Variants in FOXD4L1 observed in about 807,000 individuals in gnomAD.
FOXD4L1 encodes the protein forkhead box D4 like 1, also known as forkhead box protein D4-like 1.
A neutral mutation model predicts 24.8 loss-of-function variants in FOXD4L1; 10 were observed. The ratio of observed to expected loss-of-function variants is 0.40; its 90% CI spans 0.25 to 0.68. FOXD4L1 has a LOEUF of 0.68. Among genes scored for constraint, FOXD4L1 ranks in the 30% least tolerant of loss-of-function variants. FOXD4L1 has a pLI of 0.37. For synonymous variants in FOXD4L1, 159 were observed against 256.4 expected (o/e 0.62, Z 3.63); for missense variants, 364 against 572.4 (o/e 0.64, Z 3.72).
chr2:113,499,254 G>T (rs2777288), exon 1 of FOXD4L1: 1 of 1,611,582 alleles, frequency 6.2e-7, no homozygotes, highest in Non-Finnish European at 8.5e-7. Context: ...CACCTGCTCC[G>T]CCATGAACCT....
At chr2:113,499,990 T>C in exon 1 of FOXD4L1, 2 of 1,582,212 alleles carry the variant, frequency 1.3e-6, no homozygotes, top group Non-Finnish European at 1.7e-6. Context: ...CCGCAGCCAG[T>C]CCCGGGGGCC....
chr2:113,500,216 A>G, exon 1 of FOXD4L1: 1 of 1,557,250 alleles, frequency 6.4e-7, no homozygotes, highest in Non-Finnish European at 8.7e-7. Context: ...CGGGAGGCGG[A>G]TGCATCTCTT....
chr2:113,499,390 A>G (rs1163550386), exon 1 of FOXD4L1: 2 of 1,609,484 alleles, frequency 1.2e-6, no homozygotes, highest in Admixed American at 3.4e-5. Flanking sequence ...GAGGAGGAGG[A>G]GGCGAGCCAG....
exon 1 of FOXD4L1, chr2:113,500,309 C>T (rs1218743987): frequency 1.3e-6 from 2 of 1,528,272 alleles, no homozygotes; most frequent in Admixed American, 1.9e-5. Context: ...CGTGGAGCTA[C>T]TGCCCCCTGC....
exon 1 of FOXD4L1, chr2:113,500,097 C>A: frequency 6.3e-7 from 1 of 1,575,182 alleles, no homozygotes; most frequent in Non-Finnish European, 8.5e-7. Context: ...TGCCGGGGCA[C>A]CGAAGAAAGC....
At chr2:113,500,826 C>T (rs1682433174) in exon 1 of FOXD4L1, 2 of 539,162 alleles carry the variant, frequency 3.7e-6, no homozygotes, top group Non-Finnish European at 3.1e-6. Flanking sequence ...CGGATTTGCA[C>T]ATTTCCTGGG....
chr2:113,499,194 C>T, exon 1 of FOXD4L1: 1 of 1,611,746 alleles, frequency 6.2e-7, no homozygotes, highest in African/African-American at 1.3e-5. Flanking sequence ...GCTTCCAGCT[C>T]AGCCCGCCCC....
chr2:113,499,069 A>G, exon 1 of FOXD4L1: 1 of 1,000,650 alleles, frequency 1.0e-6, no homozygotes, highest in Non-Finnish European at 1.5e-6. Context: ...AGAAGCTTTT[A>G]TAAAAGGCAA....
exon 1 of FOXD4L1, chr2:113,500,818 G>A: frequency 5.4e-6 from 3 of 554,872 alleles, no homozygotes; most frequent in Non-Finnish European, 2.9e-6. Flanking sequence ...TGGCTTTCCG[G>A]ATTTGCACAT....
Position 113,498,836 on chromosome 2 carries a change from A to G in FOXD4L1, c.-421A>G, listed in dbSNP as rs1218310550. 3.0e-6 allele frequency: 1 copy of G among 328,976 alleles called. No homozygotes were observed. The highest frequency in any genetic ancestry group is 2.2e-5 in the African/African-American group (1 of 45,606). The allele number at this position is 328,976 out of a possible 1,614,324, so 20.4% of individuals were successfully genotyped here. On this transcript the variant is annotated 5_prime_UTR_variant, in exon 1 of 1. It removes the in-frame stop codon of an upstream open reading frame in the 5' UTR. Coordinates refer to ENST00000306507, the Ensembl canonical transcript of FOXD4L1. ...TTTGCGCGGGTTTAAATGCGCCTTAACAGAACCCGTGCAAAGGCTTGCCTA... is the reference window on the plus strand; with the variant it reads ...TTTGCGCGGGTTTAAATGCGCCTTAGCAGAACCCGTGCAAAGGCTTGCCTA...
chr2:113,500,415 G>T lies in FOXD4L1; in HGVS notation c.1159G>T (p.Gly387Cys), dbSNP rs142698938. The T allele has an allele frequency of 5.5e-4, 841 of 1,519,156 alleles. 129 individuals carry two copies. The African/African-American group carries it at 0.01, about 19-fold the overall frequency. 94.1% of individuals were successfully genotyped at this position (1,519,156 alleles called of 1,614,324 possible). ...ACGGCTGCGCTCCCACCAAGGGCGC[G>T]GTGCTGGGCGGGCACCTGTCGGCCG... The change falls in exon 1 of 1, where the codon GGT becomes TGT. Residue 387 changes from glycine (G) to cysteine (C), a missense_variant. Gly to Cys is a radical substitution (Grantham distance 159). Transcript: ENST00000306507.
In FOXD4L1 at chr2:113,499,830, G is replaced by C. The variant is rs1301053247; in HGVS notation, c.574G>C (p.Asp192His). 1.4e-5 allele frequency: 22 copies of C among 1,559,956 alleles called. 6 individuals are homozygous for C. Among genetic ancestry groups the C allele is most frequent in the Non-Finnish European group, 1.9e-5 (22 of 1,144,302 alleles). Residue 192 changes from aspartate (D) to histidine (H), a missense_variant, in exon 1 of 1, where the codon GAC becomes CAC. Physicochemically the swap from Asp to His is moderately conservative, Grantham distance 81. Transcript: ENST00000306507. ...GGACCCCGCCTCCCAGGACATGTTC[G>C]ACAATGGCAGCTTTCTCCGGCGTAG...
chr2:113,500,410 G>T (rs147163734), exon 1 of FOXD4L1: 1 of 1,519,242 alleles, frequency 6.6e-7, no homozygotes, highest in South Asian at 1.2e-5. Context: ...TCCCACCAAG[G>T]GCGCGGTGCT....
chr2:113,499,472 G>A lies in FOXD4L1; in HGVS notation c.216G>A (p.Glu72=), dbSNP rs764145253. ...GGGGCGGGGTTGCGCTTCCCCGAGA[G>A]CACATCGAGGGCGGCGGCCCGAGCG... The change falls in exon 1 of 1, where the codon GAG becomes GAA. Residue 72 remains glutamate (E), a synonymous_variant. Transcript: ENST00000306507. 37 of 1,552,738 alleles carry A rather than the reference G, an allele frequency of 2.4e-5. 5 individuals carry two copies. The highest frequency in any genetic ancestry group is 3.1e-5 in the Non-Finnish European group (35 of 1,143,274).
At chr2:113,499,596 G>T in exon 1 of FOXD4L1, 1 of 1,611,330 alleles carries the variant, frequency 6.2e-7, no homozygotes, top group Non-Finnish European at 8.5e-7. Flanking sequence ...CTCGTACATC[G>T]CGCTCATCAC....
At chr2:113,500,884 A>G in exon 1 of FOXD4L1, 1 of 369,882 alleles carries the variant, frequency 2.7e-6, no homozygotes, top group Non-Finnish European at 4.8e-6. Flanking sequence ...TAGAAGAAAA[A>G]CAAGCAAGCA....
exon 1 of FOXD4L1, chr2:113,499,802 C>T: frequency 6.5e-7 from 1 of 1,538,800 alleles, no homozygotes; most frequent in Non-Finnish European, 8.8e-7. Flanking sequence ...CCTACTGGAG[C>T]CTGGACCCCG....
At chr2:113,499,598 G>A in exon 1 of FOXD4L1, 1 of 1,611,452 alleles carries the variant, frequency 6.2e-7, no homozygotes, top group Non-Finnish European at 8.5e-7. Flanking sequence ...CGTACATCGC[G>A]CTCATCACCA....
chr2:113,500,544 G>A lies in FOXD4L1; in HGVS notation c.*61G>A. 13 of 1,502,812 alleles carry A rather than the reference G, an allele frequency of 8.7e-6. 4 individuals are homozygous for A. The highest frequency in any genetic ancestry group is 1.1e-5 in the Non-Finnish European group (12 of 1,117,402). 93.1% of individuals were successfully genotyped at this position (1,502,812 alleles called of 1,614,324 possible). The stretch of plus-strand genomic sequence containing the variant: ...GGACCTCACCAGTTTTTTTAGTATC[G>A]CCCACGCCCAGTTCCCTGGCCAAGT... On this transcript the variant is annotated 3_prime_UTR_variant, in exon 1 of 1. Transcript: ENST00000306507.
Sources: allele counts gnomAD v4.1 joint callset, GRCh38; gene constraint gnomAD v4.1.1; transcripts MANE v1.5; gene names NCBI Gene and HGNC (gene_info 2026-07-23, HGNC 2026-07-21).